The following NCOR2 variants were observed in gnomAD, a reference collection of about 807,000 sequenced individuals.
NCOR2 encodes the protein nuclear receptor corepressor 2, also known as CTG repeat protein 26.
Under a neutral mutation model 262.9 loss-of-function variants are expected in NCOR2, and 81 were observed. The observed-to-expected ratio is 0.31, with a 90% CI of 0.26 to 0.37. The LOEUF is 0.37. Among genes scored for constraint, NCOR2 ranks in the 10% least tolerant of loss-of-function variants. NCOR2 has a pLI of 1.00. For synonymous variants in NCOR2, 1,659 were observed against 1,559.3 expected (o/e 1.06, Z -1.51); for missense variants, 3,385 against 3,621.4 (o/e 0.93, Z 1.68).
chr12:124,409,707 G>T (rs2042462511), intron 13 of NCOR2, among the ~76,000 whole-genome samples: 1 of 151,940 alleles, frequency 6.6e-6, no homozygotes, highest in African/African-American at 2.4e-5. Context: ...GCAGGGTCTT[G>T]CTCTGTTGCC....
intron 13 of NCOR2, among the ~76,000 whole-genome samples, chr12:124,403,895 CTGCCTCTTTTCCCCAGGAATCCCT>C (rs2042121741): frequency 6.6e-6 from 1 of 152,202 alleles, no homozygotes; most frequent in Non-Finnish European, 1.5e-5. Flanking sequence ...GGGCCTGCAT[CTGCCTCTTTTCCCCAGGAATCCCT>C]TGCCACCATG....
At chr12:124,438,943 GGA>G (rs2044599875) in intron 7 of NCOR2, among the ~76,000 whole-genome samples, 1 of 87,932 alleles carries the variant, frequency 1.1e-5, no homozygotes, top group Non-Finnish European at 2.3e-5. Context: ...AGAGACAGAG[GGA>G]GAGAGAGACC....
At chr12:124,533,877 G>A (rs987219705) in intron 1 of NCOR2, among the ~76,000 whole-genome samples, 7 of 151,752 alleles carry the variant, frequency 4.6e-5, no homozygotes, top group African/African-American at 1.7e-4. Flanking sequence ...GCCTTTGAAT[G>A]TGGCCTGACA....
At chr12:124,473,019 T>C (rs200310339) in exon 4 of NCOR2, 23 of 1,614,076 alleles carry the variant, frequency 1.4e-5, no homozygotes, top group South Asian at 4.4e-5. Flanking sequence ...GCGGTCCATG[T>C]TCTGGATCAG....
chr12:124,472,754 A>G (rs1167752214), intron 4 of NCOR2, among the ~76,000 whole-genome samples, 198 bp downstream of exon 6: 1 of 152,238 alleles, frequency 6.6e-6, no homozygotes, highest in African/African-American at 2.4e-5. Flanking sequence ...GAACATGGCT[A>G]TCCTGCAGAT....
At chr12:124,559,136 A>G (rs1484923840) in intron 1 of NCOR2, among the ~76,000 whole-genome samples, 2 of 151,736 alleles carry the variant, frequency 1.3e-5, no homozygotes, top group Non-Finnish European at 2.9e-5. Flanking sequence ...GTCCAATTCC[A>G]CCTCCAACAG....
Position 124,466,160 on chromosome 12 carries a change from CG to C in NCOR2, c.705+12del, listed in dbSNP as rs2046407779. 1.2e-6 allele frequency: 2 copies of C among 1,602,438 alleles called. No homozygotes were observed. The highest frequency in any genetic ancestry group is 2.3e-5 in the East Asian group (1 of 43,802). On this transcript the variant is annotated intron_variant, in intron 5 of 46. Coordinates refer to ENST00000405201, the Ensembl canonical transcript of NCOR2. Reference sequence around the variant, plus strand: ...AGCACCGGGGGGCAGCAGGCCAGGGCGGGGACACATACCCGGTTCTCGTCGT... The same window carrying C: ...AGCACCGGGGGGCAGCAGGCCAGGGCGGGACACATACCCGGTTCTCGTCGT...
In NCOR2 at chr12:124,495,124, C is replaced by T. The variant is rs781478447; in HGVS notation, c.105+23G>A. ...GAAGGGTCTCAAAGGTAGCCCCAGGCGCACACATGTGCACCCCCTTACCGT... is the reference window on the plus strand; with the variant it reads ...GAAGGGTCTCAAAGGTAGCCCCAGGTGCACACATGTGCACCCCCTTACCGT... On this transcript the variant is annotated intron_variant, in intron 1 of 46. Transcript: ENST00000405201. The surrounding 1 kb of genome is among the most constrained non-coding windows in gnomAD (Gnocchi z 4.4). The T allele has an allele frequency of 3.3e-5, 53 of 1,611,492 alleles. No homozygotes were observed. The highest frequency in any genetic ancestry group is 2.5e-4 in the South Asian group (23 of 90,756).
At chr12:124,417,355 G>C (rs1306210644) in intron 13 of NCOR2, among the ~76,000 whole-genome samples, 3 of 152,150 alleles carry the variant, frequency 2.0e-5, no homozygotes, top group African/African-American at 7.2e-5. Context: ...CTCTACAACA[G>C]GATATGCCGG....
At chr12:124,334,396 G>A (rs1374018471) in intron 41 of NCOR2, 28 bp downstream of exon 43, 3 of 1,505,950 alleles carry the variant, frequency 2.0e-6, no homozygotes, top group African/African-American at 1.4e-5. Flanking sequence ...CGGCTGACCA[G>A]CAAGAGGCAC....
At chr12:124,466,263 G>T (rs1482417593) in exon 5 of NCOR2, 11 of 1,607,954 alleles carry the variant, frequency 6.8e-6, no homozygotes, top group Non-Finnish European at 9.3e-6. Flanking sequence ...CGGGCGGCTT[G>T]GCAGCCTCCT....
chr12:124,339,966 T>A (rs772432765), intron 37 of NCOR2, 40 bp downstream of exon 39: 2 of 1,336,348 alleles, frequency 1.5e-6, no homozygotes, highest in Non-Finnish European at 2.0e-6. Context: ...TGACCACCCA[T>A]CCACCTGCCC....
chr12:124,418,496 G>A lies in NCOR2; in HGVS notation c.1482+1461C>T, dbSNP rs183542346. On this transcript the variant is annotated intron_variant, in intron 13 of 46. Transcript: ENST00000405201. ...GGGAAGGCGGGGCAGCTCTGGGGAG[G>A]GGCTAGAGGGTGCCACTATAGGGAG... Among the ~76,000 whole-genome samples the A allele has an allele frequency of 3.7e-4, 56 of 152,328 alleles. No homozygotes were observed. The East Asian group carries it at 6.9e-3, about 19-fold the overall frequency.
chr12:124,543,329 C>T (rs1035157172), intron 1 of NCOR2, among the ~76,000 whole-genome samples: 1 of 152,184 alleles, frequency 6.6e-6, no homozygotes, highest in South Asian at 2.1e-4. Flanking sequence ...GGGGAGGAGC[C>T]GCTGCAAAAA....
chr12:124,515,452 T>A (rs1009911761), intron 1 of NCOR2, among the ~76,000 whole-genome samples: 2 of 151,844 alleles, frequency 1.3e-5, no homozygotes, highest in African/African-American at 4.8e-5. Flanking sequence ...AATAACATCC[T>A]GAGACAAACC....
At chr12:124,381,999 G>A (rs2040446449) in intron 17 of NCOR2, among the ~76,000 whole-genome samples, 1 of 152,226 alleles carries the variant, frequency 6.6e-6, no homozygotes, top group Non-Finnish European at 1.5e-5. Flanking sequence ...CCTAGTGCAA[G>A]GCGGGAGGGG....
At chr12:124,417,710 G>A (rs2042986417) in intron 13 of NCOR2, among the ~76,000 whole-genome samples, 1 of 152,146 alleles carries the variant, frequency 6.6e-6, no homozygotes, top group Non-Finnish European at 1.5e-5. Context: ...CTCCCTGACT[G>A]GCACTTACCT....
rs896673741 is a variant in NCOR2 at position 124,378,543 on chromosome 12, C to T, written c.2020-159G>A. On this transcript the variant is annotated intron_variant, in intron 17 of 46. Transcript: ENST00000405201. This position sits in a 1 kb window ranked among gnomAD's most constrained non-coding sequence, Gnocchi z 4.2. ...CTCACACCCCACCTCGGCAGCCAAGCGTGCCAGGGTTTATTTTTACCGGGG... is the reference window on the plus strand; with the variant it reads ...CTCACACCCCACCTCGGCAGCCAAGTGTGCCAGGGTTTATTTTTACCGGGG... Among the ~76,000 whole-genome samples, 6 of 152,196 alleles carry T rather than the reference C, an allele frequency of 3.9e-5. No individual in the cohort carries two copies. The highest frequency in any genetic ancestry group is 1.4e-4 in the African/African-American group (6 of 41,448).
intron 22 of NCOR2, among the ~76,000 whole-genome samples, chr12:124,360,794 T>TC (rs1354945302): frequency 6.9e-6 from 1 of 144,948 alleles, no homozygotes. Context: ...CGGGGCTGCT[T>TC]CCCACTCCAC....
Sources: allele counts gnomAD v4.1 joint callset (sites outside exome capture counted in the v4.1 genomes callset), GRCh38; gene constraint gnomAD v4.1.1; non-coding constraint Gnocchi (gnomAD v3.1); transcripts MANE v1.5; gene names NCBI Gene and HGNC (gene_info 2026-07-23, HGNC 2026-07-21).